ATXN10: variants seen among roughly 807,000 people sequenced by gnomAD.
The protein encoded by ATXN10 is ataxin 10, also known as ataxin-10.
In ATXN10, 28 loss-of-function variants were observed where a neutral mutation model predicts 52.9. The ratio of observed to expected loss-of-function variants is 0.53; its 90% CI spans 0.39 to 0.73. The LOEUF is 0.73. ATXN10 is among the 30% of genes least tolerant of loss of function. The pLI is 0.00. For synonymous variants in ATXN10, 226 were observed against 221.5 expected, an observed-to-expected ratio of 1.02 and a Z score of -0.18; for missense variants, 565 against 577.0, an observed-to-expected ratio of 0.98 and a Z score of 0.21.
Position 45,820,601 on chromosome 22 carries a change from A to T in ATXN10, c.1237+13579A>T, listed in dbSNP as rs1004161711. On this transcript the variant is annotated intron_variant, in intron 10 of 11. Transcript: ENST00000252934. The surrounding 1 kb of genome is among the most constrained non-coding windows in gnomAD (Gnocchi z 4.9). ...TTTTGTAGATCCACATTATCCCTTC[A>T]TTGGAGAAAGTATAAAAATAAAGCT... 2.6e-5 allele frequency among the ~76,000 whole-genome samples: 4 copies of T among 152,178 alleles called. No homozygotes were observed. The highest frequency in any genetic ancestry group is 9.7e-5 in the African/African-American group (4 of 41,436).
At chr22:45,703,413 TCAGTAG>T (rs1163369125) in intron 5 of ATXN10, among the ~76,000 whole-genome samples, 1 of 152,244 alleles carries the variant, frequency 6.6e-6, no homozygotes, top group Non-Finnish European at 1.5e-5. Context: ...ACTTCTTGAA[TCAGTAG>T]ATTTATGTCT....
intron 3 of ATXN10, among the ~76,000 whole-genome samples, chr22:45,697,837 A>C (rs1923678584): frequency 1.3e-5 from 2 of 151,694 alleles, no homozygotes; most frequent in Non-Finnish European, 1.5e-5. Flanking sequence ...TCACCGTGTT[A>C]GCCAGGATGG....
chr22:45,747,663 A>G (rs1925784469), intron 9 of ATXN10, among the ~76,000 whole-genome samples: 1 of 152,210 alleles, frequency 6.6e-6, no homozygotes, highest in Admixed American at 6.5e-5. Context: ...GTAAACTCAG[A>G]GTTGCCTCTT....
chr22:45,789,057 G>C lies in ATXN10; in HGVS notation c.1174-17902G>C, dbSNP rs1433147601. Among the ~76,000 whole-genome samples, 3 of 152,072 alleles carry C rather than the reference G, an allele frequency of 2.0e-5. No individual in the cohort carries two copies. Among genetic ancestry groups the C allele is most frequent in the Non-Finnish European group, 4.4e-5 (3 of 68,024 alleles). On this transcript the variant is annotated intron_variant, in intron 9 of 11. Transcript: ENST00000252934. The surrounding 1 kb of genome is among the most constrained non-coding windows in gnomAD (Gnocchi z 4.0). ...GGGTAGTTTTAAAAGCTCCCCAGGA[G>C]ATGCAGATTGACAGTAAGGATGGAA...
intron 9 of ATXN10, chr22:45,793,923 C>G: frequency 2.5e-6 from 3 of 1,180,700 alleles, no homozygotes. Flanking sequence ...CCTTGCAGAG[C>G]AGGGCTGCCC....
chr22:45,789,687 T>G lies in ATXN10; in HGVS notation c.1174-17272T>G, dbSNP rs1291788530. Among the ~76,000 whole-genome samples the G allele has an allele frequency of 6.6e-6, 1 of 152,166 alleles. No homozygotes were observed. The highest frequency in any genetic ancestry group is 1.5e-5 in the Non-Finnish European group (1 of 68,028). ...AGCCCCTTTGTGGTGGTGGTGGTGG[T>G]GCACTGATGTGTTGGGCTTTAGCTT... is the stretch of plus-strand genomic sequence containing the variant. On this transcript the variant is annotated intron_variant, in intron 9 of 11. Transcript: ENST00000252934. This position sits in a 1 kb window ranked among gnomAD's most constrained non-coding sequence, Gnocchi z 4.0.
At position 45,784,589 on chromosome 22, in the gene ATXN10, A is replaced by G. The variant is rs990434375; in HGVS notation, c.1174-22370A>G. ...CTGTCAGGAGGTGTGGATGGCAGGC[A>G]CGGGAGAAGGGACAGGAGGCTGGCT... On this transcript the variant is annotated intron_variant, in intron 9 of 11. Transcript: ENST00000252934. The surrounding 1 kb of genome is among the most constrained non-coding windows in gnomAD (Gnocchi z 4.2). 6.6e-6 allele frequency among the ~76,000 whole-genome samples: 1 copy of G among 152,148 alleles called. No individual in the cohort carries two copies. Among genetic ancestry groups the G allele is most frequent in the Non-Finnish European group, 1.5e-5 (1 of 68,028 alleles).
intron 9 of ATXN10, among the ~76,000 whole-genome samples, chr22:45,794,589 G>C (rs569495682): frequency 2.0e-5 from 3 of 151,940 alleles, no homozygotes; most frequent in African/African-American, 7.2e-5. Context: ...TGACTTTCTT[G>C]CCTGTCAGTT....
intron 8 of ATXN10, 129 bp downstream of exon 8, chr22:45,738,968 G>A: frequency 1.1e-6 from 1 of 874,210 alleles, no homozygotes; most frequent in Non-Finnish European, 1.8e-6. Flanking sequence ...ATTTTTTTGA[G>A]AGGAATCACA....
intron 9 of ATXN10, among the ~76,000 whole-genome samples, chr22:45,794,260 G>GGC (rs1297382211): frequency 6.6e-6 from 1 of 152,084 alleles, no homozygotes; most frequent in Non-Finnish European, 1.5e-5. Flanking sequence ...GCAGTAGCCT[G>GGC]GCTGGGCACT....
chr22:45,710,296 C>T (rs1254958804), intron 5 of ATXN10, among the ~76,000 whole-genome samples: 1 of 152,162 alleles, frequency 6.6e-6, no homozygotes, highest in African/African-American at 2.4e-5. Context: ...TTGTTCTGTC[C>T]TGAATCTTTA....
At chr22:45,679,620 C>G (rs1922838283) in intron 1 of ATXN10, 1 of 152,246 alleles carries the variant, frequency 6.6e-6, no homozygotes, top group Non-Finnish European at 1.5e-5. Context: ...AAAACAAAAA[C>G]CCACACGAGT....
At chr22:45,785,197 C>T (rs771565407) in intron 9 of ATXN10, among the ~76,000 whole-genome samples, 16 of 152,070 alleles carry the variant, frequency 1.1e-4, no homozygotes, top group Admixed American at 7.2e-4. Context: ...GTGGTACTTT[C>T]GGGAGGCTAC....
At chr22:45,796,133 C>T (rs1255030882) in intron 9 of ATXN10, among the ~76,000 whole-genome samples, 1 of 152,214 alleles carries the variant, frequency 6.6e-6, no homozygotes, top group African/African-American at 2.4e-5. Flanking sequence ...CGAATGCATT[C>T]CCAGGGGGAG....
rs1343049743 is a variant in ATXN10 at position 45,744,320 on chromosome 22, GTCTGTGTAACTTCATCCA to G, written c.1173+3784_1173+3801del. 4 of 152,194 alleles carry G rather than the reference GTCTGTGTAACTTCATCCA, an allele frequency of 2.6e-5. No individual in the cohort carries two copies. Among genetic ancestry groups the G allele is most frequent in the Non-Finnish European group, 5.9e-5 (4 of 68,050 alleles). The allele number at this position is 152,194 out of a possible 1,614,324, so 9.4% of individuals were successfully genotyped here. On this transcript the variant is annotated intron_variant, in intron 9 of 11. Transcript: ENST00000252934. This position sits in a 1 kb window ranked among gnomAD's most constrained non-coding sequence, Gnocchi z 4.9. ...TTTCAAGCCCAACTGTGTCTGTGTT[GTCTGTGTAACTTCATCCA>G]TTGCAGTGAGTATGGTGCCCACCTG...
In ATXN10 at chr22:45,769,241, G is replaced by A. The variant is rs918525863; in HGVS notation, c.1173+28703G>A. The stretch of plus-strand genomic sequence containing the variant: ...GGGGACTCATCATGGAATCTGAAAG[G>A]CAGCTTTATCAAAAGAGTAACGTGT... On this transcript the variant is annotated intron_variant, in intron 9 of 11. Coordinates refer to ENST00000252934, the MANE Select transcript of ATXN10 (RefSeq NM_013236.4). The surrounding 1 kb of genome is among the most constrained non-coding windows in gnomAD (Gnocchi z 4.2). Among the ~76,000 whole-genome samples the A allele has an allele frequency of 3.3e-5, 5 of 152,084 alleles. No homozygotes were observed. The highest frequency in any genetic ancestry group is 9.7e-5 in the African/African-American group (4 of 41,408).
chr22:45,698,967 A>G (rs1370589161), intron 3 of ATXN10, among the ~76,000 whole-genome samples: 1 of 152,206 alleles, frequency 6.6e-6, no homozygotes, highest in Non-Finnish European at 1.5e-5. Flanking sequence ...TATGTGTGCC[A>G]GTTTTTTGTT....
chr22:45,748,835 T>G (rs1925836586), intron 9 of ATXN10, among the ~76,000 whole-genome samples: 1 of 152,228 alleles, frequency 6.6e-6, no homozygotes, highest in South Asian at 2.1e-4. Flanking sequence ...TTCCCTGAAC[T>G]TACAGTTCCT....
rs1056032576 is a variant in ATXN10, at chr22:45,672,195, G to A, written c.116+16G>A. Reference sequence around the variant, plus strand: ...AGCGGAACCGGTAACGGGTCCGGCCGGGGGGCTGCCCCGGGCAGGGGAGGG... The same window carrying A: ...AGCGGAACCGGTAACGGGTCCGGCCAGGGGGCTGCCCCGGGCAGGGGAGGG... On this transcript the variant is annotated intron_variant, in intron 1 of 11. Transcript: ENST00000252934. 6.6e-6 allele frequency: 10 copies of A among 1,521,562 alleles called. No homozygotes were observed. The African/African-American group carries it at 1.1e-4, about 17-fold the overall frequency. The allele number at this position is 1,521,562 out of a possible 1,614,324, so 94.3% of individuals were successfully genotyped here.
Sources: gnomAD v4.1 joint callset for allele counts (sites outside exome capture counted in the v4.1 genomes callset) on GRCh38, gnomAD v4.1.1 for gene constraint, Gnocchi (gnomAD v3.1) non-coding constraint, MANE v1.5 for transcripts, NCBI Gene and HGNC (gene_info 2026-07-23, HGNC 2026-07-21) for gene names.